DCC: variants seen among roughly 807,000 people sequenced by gnomAD.
The protein encoded by DCC is netrin receptor DCC.
In DCC, 58 loss-of-function variants were observed where a neutral mutation model predicts 172.5. The ratio of observed to expected loss-of-function variants is 0.34; its 90% CI spans 0.27 to 0.42. DCC has a LOEUF of 0.42. DCC is among the 10% of genes least tolerant of loss of function. The pLI, the probability that DCC is intolerant of heterozygous loss-of-function variation, is 1.00. For missense variants in DCC, 1,740 were observed against 1,791.0 expected, an observed-to-expected ratio of 0.97 and a Z score of 0.51; for synonymous variants, 709 against 644.5, an observed-to-expected ratio of 1.10 and a Z score of -1.52.
intron 1 of DCC, among the ~76,000 whole-genome samples, chr18:52,483,912 G>A (rs1401731014): frequency 5.9e-5 from 9 of 151,750 alleles, no homozygotes; most frequent in Non-Finnish European, 1.5e-5. Context: ...TGATCTTTGT[G>A]CACTACTTTC....
At chr18:53,220,514 C>G (rs1255827832) in intron 12 of DCC, among the ~76,000 whole-genome samples, 5 of 152,064 alleles carry the variant, frequency 3.3e-5, no homozygotes, top group African/African-American at 1.2e-4. Flanking sequence ...CCTCTCCTCA[C>G]AAATGTAGTA....
intron 2 of DCC, among the ~76,000 whole-genome samples, chr18:52,822,140 C>T (rs1598838760): frequency 6.6e-6 from 1 of 152,120 alleles, no homozygotes; most frequent in East Asian, 1.9e-4. Flanking sequence ...TAAGCATATT[C>T]ACAGAAGCCA....
chr18:53,283,367 T>C (rs2056895506), intron 12 of DCC, among the ~76,000 whole-genome samples: 1 of 152,128 alleles, frequency 6.6e-6, no homozygotes, highest in Non-Finnish European at 1.5e-5. Context: ...TCTTCATTTT[T>C]TCTTCCTTCC....
Position 53,241,118 on chromosome 18 carries a change from A to G in DCC, c.1911+25521A>G, listed in dbSNP as rs561063558. ...TGAGGCTGGGAAGTAATGTTATTCC[A>G]GGAGAATGGATGAGAGTGATCAAAG... On this transcript the variant is annotated intron_variant, in intron 12 of 28. Transcript: ENST00000442544. 1.0e-3 allele frequency among the ~76,000 whole-genome samples: 152 copies of G among 152,302 alleles called. 1 individual carries two copies. Among genetic ancestry groups the G allele is most frequent in the African/African-American group, 3.5e-3 (147 of 41,580 alleles).
chr18:52,946,405 C>T lies in DCC; in HGVS notation c.985+21035C>T, dbSNP rs192021153. Among the ~76,000 whole-genome samples the T allele has an allele frequency of 3.3e-4, 51 of 152,280 alleles. 1 individual carries two copies. The highest frequency in any genetic ancestry group is 2.1e-4 in the South Asian group (1 of 4,826). On this transcript the variant is annotated intron_variant, in intron 5 of 28. Coordinates refer to ENST00000442544, the MANE Select transcript of DCC (RefSeq NM_005215.4). ...TACTTCCTATTTCCCTTCTGTACTACGTAGGTATTGCCGCAATAATACTGT... is the reference window on the plus strand; with the variant it reads ...TACTTCCTATTTCCCTTCTGTACTATGTAGGTATTGCCGCAATAATACTGT...
At chr18:52,938,675 T>C (rs1217343822) in intron 5 of DCC, among the ~76,000 whole-genome samples, 2 of 152,134 alleles carry the variant, frequency 1.3e-5, no homozygotes, top group Non-Finnish European at 2.9e-5. Flanking sequence ...ATAATACATA[T>C]GAAAACTGTC....
chr18:52,568,261 C>T (rs1270690637), intron 1 of DCC, among the ~76,000 whole-genome samples: 2 of 152,100 alleles, frequency 1.3e-5, no homozygotes, highest in Non-Finnish European at 2.9e-5. Flanking sequence ...AAAAAAGCTA[C>T]ACAAATGTCT....
chr18:52,460,345 G>A (rs979235003), intron 1 of DCC, among the ~76,000 whole-genome samples: 7 of 151,888 alleles, frequency 4.6e-5, no homozygotes, highest in African/African-American at 1.7e-4. Flanking sequence ...TCTGCTTTTA[G>A]CTAACCTCTC....
At chr18:52,728,951 C>T (rs2036594552) in intron 1 of DCC, among the ~76,000 whole-genome samples, 3 of 152,150 alleles carry the variant, frequency 2.0e-5, no homozygotes. Context: ...TATTAATGGG[C>T]TCTGAAAACA....
At chr18:52,945,815 G>A (rs1172084806) in intron 5 of DCC, among the ~76,000 whole-genome samples, 2 of 152,182 alleles carry the variant, frequency 1.3e-5, no homozygotes, top group Non-Finnish European at 2.9e-5. Context: ...TAGCCTACAG[G>A]CTTTGTTTGT....
In DCC at chr18:53,301,511, C is replaced by T. The variant is rs370640637; in HGVS notation, c.1912-4067C>T. 1.3e-4 allele frequency among the ~76,000 whole-genome samples: 20 copies of T among 152,226 alleles called. No homozygotes were observed. In the East Asian group the frequency reaches 1.4e-3, roughly 10 times the overall value. The stretch of plus-strand genomic sequence containing the variant: ...TTAAATATTTTCAGAGTATTACATG[C>T]ACATTATTTTTTAAGTTAAATAATA... On this transcript the variant is annotated intron_variant, in intron 12 of 28. Transcript: ENST00000442544.
At chr18:53,264,126 G>T (rs2056638711) in intron 12 of DCC, among the ~76,000 whole-genome samples, 1 of 151,996 alleles carries the variant, frequency 6.6e-6, no homozygotes, top group South Asian at 2.1e-4. Flanking sequence ...TACATTGTTG[G>T]TCCTTACATT....
intron 1 of DCC, among the ~76,000 whole-genome samples, chr18:52,554,764 A>G (rs1247498874): frequency 1.3e-5 from 2 of 152,126 alleles, no homozygotes; most frequent in African/African-American, 2.4e-5. Context: ...AAGTAAATTC[A>G]CAGGCTCACT....
intron 1 of DCC, among the ~76,000 whole-genome samples, chr18:52,729,438 T>G (rs2036601302): frequency 6.6e-6 from 1 of 152,110 alleles, no homozygotes; most frequent in Admixed American, 6.6e-5. Flanking sequence ...ATTTGTATTT[T>G]TGGTAGAGAT....
intron 5 of DCC, among the ~76,000 whole-genome samples, chr18:52,970,307 T>C (rs539441272): frequency 6.6e-6 from 1 of 152,184 alleles, no homozygotes; most frequent in South Asian, 2.1e-4. Flanking sequence ...AATTAAACCT[T>C]TGTCACATGT....
At chr18:53,454,592 T>G (rs1212982277) in intron 23 of DCC, among the ~76,000 whole-genome samples, 1 of 152,208 alleles carries the variant, frequency 6.6e-6, no homozygotes, top group Non-Finnish European at 1.5e-5. Flanking sequence ...GCTTTAAATT[T>G]AAACATGTAA....
At chr18:53,421,173 GT>G (rs988169126) in intron 21 of DCC, among the ~76,000 whole-genome samples, 2 of 152,128 alleles carry the variant, frequency 1.3e-5, no homozygotes, top group African/African-American at 4.8e-5. Flanking sequence ...GCATCGTTAT[GT>G]CCCATTTAAT....
intron 13 of DCC, among the ~76,000 whole-genome samples, chr18:53,319,465 A>C (rs1288557961): frequency 6.6e-6 from 1 of 152,170 alleles, no homozygotes; most frequent in Non-Finnish European, 1.5e-5. Flanking sequence ...CAGGGGTTGC[A>C]ATCCTAATCT....
intron 15 of DCC, among the ~76,000 whole-genome samples, chr18:53,361,638 T>C (rs1290859114): frequency 2.0e-5 from 3 of 152,184 alleles, no homozygotes; most frequent in Non-Finnish European, 2.9e-5. Flanking sequence ...ACATCTCTTA[T>C]GTTAGTGTAC....
Sources: allele counts gnomAD v4.1 joint callset (sites outside exome capture counted in the v4.1 genomes callset), GRCh38; gene constraint gnomAD v4.1.1; transcripts MANE v1.5; gene names NCBI Gene and HGNC (gene_info 2026-07-23, HGNC 2026-07-21).